ADAM19: variants seen among roughly 807,000 people sequenced by gnomAD.
ADAM19 encodes the protein disintegrin and metalloproteinase domain-containing protein 19.
ADAM19 carries 65 observed loss-of-function variants against 114.7 expected under a neutral mutation model. That is an observed-to-expected ratio of 0.57 (90% CI 0.46 to 0.70). The LOEUF (loss-of-function observed/expected upper bound fraction) is 0.70, where lower values mean the gene tolerates loss of function less well. ADAM19 is among the 30% of genes least tolerant of loss of function. The pLI is 0.00. For missense variants in ADAM19, 1,063 were observed against 1,204.7 expected (o/e 0.88, Z 1.74); for synonymous variants, 466 against 460.5 (o/e 1.01, Z -0.15).
intron 3 of ADAM19, 29 bp downstream of exon 3, chr5:157,564,344 C>G (rs370489970): frequency 2.2e-5 from 35 of 1,608,096 alleles, no homozygotes; most frequent in Non-Finnish European, 2.7e-5. Context: ...TTATTTGTTT[C>G]ATTTTAGACA....
intron 4 of ADAM19, among the ~76,000 whole-genome samples, chr5:157,536,353 C>T (rs189983114): frequency 3.6e-4 from 54 of 151,808 alleles, no homozygotes; most frequent in South Asian, 1.0e-3. Flanking sequence ...ATTAGCCGGG[C>T]GCAGTGGATC....
At chr5:157,563,698 T>C (rs1381051955) in intron 3 of ADAM19, among the ~76,000 whole-genome samples, 1 of 152,166 alleles carries the variant, frequency 6.6e-6, no homozygotes, top group Non-Finnish European at 1.5e-5. Context: ...AGATGGGGAA[T>C]GGCCAAAGAA....
chr5:157,546,561 C>T (rs532489725), intron 3 of ADAM19, among the ~76,000 whole-genome samples: 1 of 152,340 alleles, frequency 6.6e-6, no homozygotes, highest in East Asian at 1.9e-4. Context: ...ACTTAGATCA[C>T]TCTTTTCCCC....
chr5:157,573,573 C>T (rs1350137339), intron 1 of ADAM19, among the ~76,000 whole-genome samples: 2 of 152,066 alleles, frequency 1.3e-5, no homozygotes, highest in Admixed American at 6.6e-5. Context: ...TGGTGAAACC[C>T]CGTCTCTACT....
intron 10 of ADAM19, 138 bp from the exon 11 acceptor site, chr5:157,505,946 G>C (rs11134775): frequency 0.26 from 235,448 of 890,974 alleles, 35,644 homozygotes; most frequent in African/African-American, 0.56. Context: ...CTCCATATGT[G>C]CCTCTGACAG....
chr5:157,518,212 G>T (rs1355485534), intron 7 of ADAM19, among the ~76,000 whole-genome samples: 1 of 151,150 alleles, frequency 6.6e-6, no homozygotes, highest in Non-Finnish European at 1.5e-5. Flanking sequence ...GAATCTAAAG[G>T]TCTTCAGACC....
At chr5:157,495,913 C>A (rs374392927) in intron 14 of ADAM19, among the ~76,000 whole-genome samples, 2 of 144,638 alleles carry the variant, frequency 1.4e-5, no homozygotes, top group African/African-American at 2.6e-5. Context: ...GGATTACAGG[C>A]GTGAGCCACT....
intron 3 of ADAM19, among the ~76,000 whole-genome samples, chr5:157,560,244 G>A (rs1178056384): frequency 8.1e-6 from 1 of 124,038 alleles, no homozygotes; most frequent in East Asian, 2.5e-4. Context: ...CAGCCTGGGC[G>A]ACAGAGCGAG....
chr5:157,543,321 T>C (rs1410720641), intron 3 of ADAM19, among the ~76,000 whole-genome samples: 1 of 152,222 alleles, frequency 6.6e-6, no homozygotes, highest in Non-Finnish European at 1.5e-5. Flanking sequence ...ATGAACAGAC[T>C]AATAATCACC....
At chr5:157,492,165 G>A (rs916576162) in intron 16 of ADAM19, among the ~76,000 whole-genome samples, 41 of 152,180 alleles carry the variant, frequency 2.7e-4, no homozygotes, top group African/African-American at 9.9e-4. Flanking sequence ...GGTGGCCTGT[G>A]TCTGTAATCC....
Position 157,494,710 on chromosome 5 carries a change from A to C in ADAM19, c.1680T>G (p.Gly560=). The C allele has an allele frequency of 6.2e-7, 1 of 1,613,600 alleles. No homozygotes were observed. The highest frequency in any genetic ancestry group is 1.3e-5 in the African/African-American group (1 of 75,002). Residue 560 remains glycine (G), a synonymous_variant, in exon 15 of 23, where the codon GGT becomes GGG. Transcript: ENST00000257527. ...ACCTCATGTTGCACTTCCTGTGTTC[A>C]CCATTCATGTCCTTTCCACAGTTTC... The part of the protein sequence containing the change: ...TFGNCGKDMN[G]EHRKCNMRDA...
At position 157,480,698 on chromosome 5, in the gene ADAM19, C is replaced by A. The variant is rs1280187302; in HGVS notation, c.*251G>T. The A allele has an allele frequency of 9.9e-6, 13 of 1,315,262 alleles. No individual in the cohort carries two copies. The highest frequency in any genetic ancestry group is 3.0e-4 in the Middle Eastern group (1 of 3,384). 81.5% of individuals were successfully genotyped at this position (1,315,262 alleles called of 1,614,324 possible). On this transcript the variant is annotated 3_prime_UTR_variant, in exon 23 of 23. Coordinates refer to ENST00000257527, the MANE Select transcript of ADAM19 (RefSeq NM_033274.5). ...CTGCCAGTCACCCTCCTCATACTCTCCCCTCCCTACCTGGGGCTGTATATT... is the reference window on the plus strand; with the variant it reads ...CTGCCAGTCACCCTCCTCATACTCTACCCTCCCTACCTGGGGCTGTATATT...
At chr5:157,485,099 G>T (rs942749653) in intron 21 of ADAM19, among the ~76,000 whole-genome samples, 2 of 152,172 alleles carry the variant, frequency 1.3e-5, no homozygotes, top group African/African-American at 4.8e-5. Context: ...CCTGACACGG[G>T]GCGTCATCCC....
chr5:157,523,045 A>G (rs1456042402), intron 5 of ADAM19, among the ~76,000 whole-genome samples: 3 of 152,198 alleles, frequency 2.0e-5, no homozygotes, highest in South Asian at 2.1e-4. Flanking sequence ...AGGCACCCTC[A>G]TGAGTCCCAC....
At chr5:157,562,077 G>A (rs1241049955) in intron 3 of ADAM19, among the ~76,000 whole-genome samples, 2 of 152,102 alleles carry the variant, frequency 1.3e-5, no homozygotes, top group African/African-American at 2.4e-5. Flanking sequence ...CATCTCCCCC[G>A]CTCCAAAGCT....
At chr5:157,506,545 T>C (rs901346535) in intron 10 of ADAM19, among the ~76,000 whole-genome samples, 1 of 152,192 alleles carries the variant, frequency 6.6e-6, no homozygotes, top group Non-Finnish European at 1.5e-5. Flanking sequence ...ACAGAATGGA[T>C]AGAGGGACAG....
chr5:157,502,611 A>G (rs1755603538), intron 12 of ADAM19, among the ~76,000 whole-genome samples, 192 bp downstream of exon 12: 1 of 152,244 alleles, frequency 6.6e-6, no homozygotes, highest in Admixed American at 6.5e-5. Flanking sequence ...GATGCTGGCC[A>G]CAAACTAGCA....
At chr5:157,547,579 C>G (rs1368431755) in intron 3 of ADAM19, among the ~76,000 whole-genome samples, 1 of 152,180 alleles carries the variant, frequency 6.6e-6, no homozygotes, top group Non-Finnish European at 1.5e-5. Flanking sequence ...GACTTGCCAG[C>G]CAGCAGAACT....
chr5:157,570,362 C>G (rs1357048645), intron 2 of ADAM19: 1 of 152,450 alleles, frequency 6.6e-6, no homozygotes, highest in East Asian at 1.9e-4. Flanking sequence ...AAGAACAGGA[C>G]AGTGTTTTTT....
Sources: gnomAD v4.1 joint callset for allele counts (sites outside exome capture counted in the v4.1 genomes callset) on GRCh38, gnomAD v4.1.1 for gene constraint, MANE v1.5 for transcripts, NCBI Gene and HGNC (gene_info 2026-07-23, HGNC 2026-07-21) for gene names.